The following CCDC25 variants were observed in gnomAD, a reference collection of about 807,000 sequenced individuals.
CCDC25 encodes coiled-coil domain-containing protein 25.
A neutral mutation model predicts 35.3 loss-of-function variants in CCDC25; 16 were observed. That is an observed-to-expected ratio of 0.45 (90% confidence interval 0.31 to 0.69). The LOEUF (loss-of-function observed/expected upper bound fraction) is 0.69. Among genes scored for constraint, CCDC25 ranks in the 30% least tolerant of loss-of-function variants. The pLI, the probability that CCDC25 is intolerant of heterozygous loss-of-function variation, is 0.06. For synonymous variants in CCDC25, 79 were observed against 80.3 expected, an observed-to-expected ratio of 0.98 and a Z score of 0.09; for missense variants, 179 against 250.7, an observed-to-expected ratio of 0.71 and a Z score of 1.93.
chr8:27,737,256 CTA>C lies in CCDC25; in HGVS notation c.598-1013_598-1012del, dbSNP rs1211661079. On this transcript the variant is annotated intron_variant, in intron 8 of 8. Transcript: ENST00000356537. The surrounding 1 kb of genome is among the most constrained non-coding windows in gnomAD (Gnocchi z 4.6). ...ATTGTGTTATATCCAGGCGCAAAGA[CTA>C]TGATTGCCCCAGAGTCTTAATCTGA... Among the ~76,000 whole-genome samples the C allele has an allele frequency of 6.6e-6, 1 of 152,202 alleles. No individual in the cohort carries two copies.
intron 1 of CCDC25, among the ~76,000 whole-genome samples, chr8:27,770,057 T>C (rs1406018505): frequency 2.0e-5 from 3 of 152,080 alleles, no homozygotes; most frequent in African/African-American, 4.8e-5. Context: ...GGCAGTAGAA[T>C]TGCTTGAACC....
intron 3 of CCDC25, among the ~76,000 whole-genome samples, chr8:27,759,779 C>CAACAAAAAAAAAAA (rs1804157743): frequency 1.1e-5 from 1 of 91,276 alleles, no homozygotes; most frequent in African/African-American, 4.8e-5. Context: ...GACTCTGTCT[C>CAACAAAAAAAAAAA]AAAAAAAAAA....
At chr8:27,764,514 AG>A (rs1344633417) in intron 2 of CCDC25, 3 of 361,552 alleles carry the variant, frequency 8.3e-6, no homozygotes, top group African/African-American at 6.6e-5. Flanking sequence ...CCTGGGCTCA[AG>A]TGATCCTCTC....
At chr8:27,746,481 T>A (rs1055512532) in intron 7 of CCDC25, among the ~76,000 whole-genome samples, 1 of 152,216 alleles carries the variant, frequency 6.6e-6, no homozygotes, top group Non-Finnish European at 1.5e-5. Context: ...GTTCCTAATA[T>A]ATGTTCCATC....
chr8:27,772,503 G>A lies in CCDC25; in HGVS notation c.28+10C>T. On this transcript the variant is annotated intron_variant, in intron 1 of 8. Transcript: ENST00000356537. ...CCAGCAGGGTCCAGGAGGACGTGGC[G>A]CCCACTCACCGCTGCTGCTGGTGAA... 1 of 1,549,918 alleles carries A rather than the reference G, an allele frequency of 6.5e-7. No homozygotes were observed. The highest frequency in any genetic ancestry group is 1.2e-5 in the South Asian group (1 of 84,034).
At chr8:27,745,558 A>G (rs1449728069) in intron 7 of CCDC25, among the ~76,000 whole-genome samples, 1 of 152,254 alleles carries the variant, frequency 6.6e-6, no homozygotes, top group Admixed American at 6.5e-5. Flanking sequence ...CTTGGGTGGA[A>G]GATTCAAAGA....
rs1803162669 is a variant in CCDC25 at position 27,734,854 on chromosome 8, T to C, written c.*1362A>G. The C allele has an allele frequency of 1.3e-5, 2 of 152,070 alleles. No homozygotes were observed. The highest frequency in any genetic ancestry group is 4.2e-4 in the South Asian group (2 of 4,812). 9.4% of individuals were successfully genotyped at this position (152,070 alleles called of 1,614,324 possible). ...TCAAGAATACATCTGAGAAAGGACA[T>C]CCCTTTGACCCAGTGAGCAGCTGGA... On this transcript the variant is annotated 3_prime_UTR_variant, in exon 9 of 9. Coordinates refer to ENST00000356537, the MANE Select transcript of CCDC25 (RefSeq NM_018246.3).
chr8:27,760,175 T>C (rs1319890897), intron 3 of CCDC25, among the ~76,000 whole-genome samples: 1 of 152,200 alleles, frequency 6.6e-6, no homozygotes, highest in Non-Finnish European at 1.5e-5. Flanking sequence ...TGGGAAGTAC[T>C]AACCTTAATG....
intron 1 of CCDC25, among the ~76,000 whole-genome samples, chr8:27,768,711 T>A (rs1162095981): frequency 6.6e-6 from 1 of 152,234 alleles, no homozygotes; most frequent in South Asian, 2.1e-4. Flanking sequence ...CTAAATAATA[T>A]GGTTGATTAG....
intron 7 of CCDC25, among the ~76,000 whole-genome samples, chr8:27,741,399 G>A (rs1803431912): frequency 6.6e-6 from 1 of 152,148 alleles, no homozygotes; most frequent in African/African-American, 2.4e-5. Flanking sequence ...AAAAATACAC[G>A]GCTGGGGGCA....
intron 4 of CCDC25, chr8:27,752,828 A>T (rs934589592): frequency 3.5e-6 from 1 of 285,302 alleles, no homozygotes; most frequent in Non-Finnish European, 6.5e-6. Flanking sequence ...AAAAAAAGCA[A>T]AAAAAAACAG....
intron 1 of CCDC25, among the ~76,000 whole-genome samples, chr8:27,765,498 A>G (rs923391086): frequency 1.3e-5 from 2 of 152,170 alleles, no homozygotes; most frequent in Non-Finnish European, 2.9e-5. Context: ...CACAAAGCCT[A>G]AAATATTTAC....
chr8:27,770,679 C>T lies in CCDC25; in HGVS notation c.28+1834G>A, dbSNP rs1264517086. Among the ~76,000 whole-genome samples the T allele has an allele frequency of 3.3e-5, 5 of 150,486 alleles. 1 individual carries two copies. In the East Asian group the frequency reaches 9.8e-4, roughly 30 times the overall value. Reference sequence around the variant, plus strand: ...GCTTGAACCCGGGAGGCAGAGGTTGCAGTGAGCCGAGATCGTGCCATTGCA... The same window carrying T: ...GCTTGAACCCGGGAGGCAGAGGTTGTAGTGAGCCGAGATCGTGCCATTGCA... On this transcript the variant is annotated intron_variant, in intron 1 of 8. Coordinates refer to ENST00000356537, the MANE Select transcript of CCDC25 (RefSeq NM_018246.3).
rs770927397 is a variant in CCDC25 at position 27,748,232 on chromosome 8, T to C, written c.396A>G (p.Arg132=). The change falls in exon 7 of 9, where the codon CGA becomes CGG. Residue 132 remains arginine (R), a synonymous_variant. Transcript: ENST00000356537. The part of the protein sequence containing the change: ...VEKKVNEILN[R]LEKTKVERFP... ...ACCGCTCGACTTTGGTCTTTTCTAA[T>C]CGGTTCAGGATCTCATTTACTTTCT... 1 of 1,614,128 alleles carries C rather than the reference T, an allele frequency of 6.2e-7. No individual in the cohort carries two copies. Among genetic ancestry groups the C allele is most frequent in the South Asian group, 1.1e-5 (1 of 91,078 alleles).
intron 7 of CCDC25, among the ~76,000 whole-genome samples, chr8:27,743,434 C>T (rs1455947321): frequency 1.3e-5 from 2 of 152,234 alleles, no homozygotes; most frequent in Admixed American, 1.3e-4. Context: ...GGACTGGCCC[C>T]TTGATCCAAG....
intron 8 of CCDC25, among the ~76,000 whole-genome samples, chr8:27,738,480 G>A (rs562442050): frequency 1.3e-5 from 2 of 152,238 alleles, no homozygotes; most frequent in Admixed American, 1.3e-4. Context: ...CAGAGGGAGA[G>A]TTAGGGTAGA....
chr8:27,770,911 GT>G (rs981930058), intron 1 of CCDC25, among the ~76,000 whole-genome samples: 1 of 152,144 alleles, frequency 6.6e-6, no homozygotes, highest in African/African-American at 2.4e-5. Flanking sequence ...AAGTACAGTA[GT>G]CCCCCCTTAT....
chr8:27,766,646 T>C (rs17387237), intron 1 of CCDC25, among the ~76,000 whole-genome samples: 5 of 151,932 alleles, frequency 3.3e-5, no homozygotes, highest in Admixed American at 1.3e-4. Flanking sequence ...GGCCTGGCAA[T>C]AGTTCAAGTG....
At chr8:27,756,676 T>G (rs776490576) in intron 4 of CCDC25, 43 bp downstream of exon 4, 1 of 1,298,368 alleles carries the variant, frequency 7.7e-7, no homozygotes, top group African/African-American at 1.5e-5. Flanking sequence ...ATATGATGCA[T>G]CATCAGGAGA....
Sources: gnomAD v4.1 joint callset for allele counts (sites outside exome capture counted in the v4.1 genomes callset) on GRCh38, gnomAD v4.1.1 for gene constraint, Gnocchi (gnomAD v3.1) non-coding constraint, MANE v1.5 for transcripts, NCBI Gene and HGNC (gene_info 2026-07-23, HGNC 2026-07-21) for gene names.